PPP3CB: variants seen among roughly 807,000 people sequenced by gnomAD.
PPP3CB encodes serine/threonine-protein phosphatase 2B catalytic subunit beta isoform.
Under a neutral mutation model 66.4 loss-of-function variants are expected in PPP3CB, and 8 were observed. The observed-to-expected ratio is 0.12, with a 90% confidence interval of 0.07 to 0.22. The LOEUF is 0.22. PPP3CB is among the 10% of genes least tolerant of loss of function. The pLI is 1.00. For missense variants in PPP3CB, 319 were observed against 642.5 expected, an observed-to-expected ratio of 0.50 and a Z score of 5.44; for synonymous variants, 208 against 221.2, an observed-to-expected ratio of 0.94 and a Z score of 0.53.
chr10:73,471,717 T>C, intron 4 of PPP3CB, 104 bp from the exon 5 acceptor site: 1 of 846,236 alleles, frequency 1.2e-6, no homozygotes, highest in Non-Finnish European at 1.8e-6. Flanking sequence ...TCCCCTCCTT[T>C]ATATCTTATA....
At chr10:73,471,443 T>G in intron 5 of PPP3CB, 25 bp downstream of exon 5, 1 of 1,576,548 alleles carries the variant, frequency 6.3e-7, no homozygotes, top group Non-Finnish European at 8.6e-7. Flanking sequence ...TAGAAATCAA[T>G]CTCGGAAGTA....
At chr10:73,448,772 T>G (rs1329723008) in intron 10 of PPP3CB, 2 of 531,012 alleles carry the variant, frequency 3.8e-6, no homozygotes, top group Non-Finnish European at 7.7e-6. Context: ...GAGATTTAAC[T>G]TGGCAGTGGT....
chr10:73,467,828 A>C, intron 8 of PPP3CB, 150 bp from the exon 9 acceptor site: 1 of 623,880 alleles, frequency 1.6e-6, no homozygotes. Context: ...GGAGGAAGGA[A>C]CTAATTTTTA....
At chr10:73,463,338 G>A (rs970352499) in intron 9 of PPP3CB, among the ~76,000 whole-genome samples, 5 of 152,070 alleles carry the variant, frequency 3.3e-5, no homozygotes, top group Admixed American at 1.3e-4. Context: ...TCTAAATGAC[G>A]ACCACAGTCA....
chr10:73,439,572 C>T (rs1473771178), intron 13 of PPP3CB, among the ~76,000 whole-genome samples: 2 of 151,980 alleles, frequency 1.3e-5, no homozygotes, highest in African/African-American at 4.8e-5. Context: ...AAACAGGCAA[C>T]TTTATAAAGC....
Position 73,481,470 on chromosome 10 carries a change from AAT to A in PPP3CB, c.86-1955_86-1954del, listed in dbSNP as rs143321409. 6.2e-3 allele frequency among the ~76,000 whole-genome samples: 915 copies of A among 146,822 alleles called. 7 individuals are homozygous for A. The highest frequency in any genetic ancestry group is 0.02 in the African/African-American group (821 of 40,266). On this transcript the variant is annotated intron_variant, in intron 1 of 13. Coordinates refer to ENST00000360663, the MANE Select transcript of PPP3CB (RefSeq NM_021132.4). ...CCTGGTCGACAGTGAGACTCCATCA[AAT>A]ATATATATATATATACATATATATA...
At chr10:73,467,463 G>C (rs2056635935) in intron 9 of PPP3CB, 90 bp downstream of exon 9, 3 of 1,088,478 alleles carry the variant, frequency 2.8e-6, no homozygotes, top group African/African-American at 1.7e-5. Context: ...CTAGACTTTG[G>C]TTTCCTTTAG....
chr10:73,486,741 C>A (rs2056985143), intron 1 of PPP3CB, among the ~76,000 whole-genome samples: 1 of 152,226 alleles, frequency 6.6e-6, no homozygotes, highest in Admixed American at 6.5e-5. Context: ...TTCCACTAAT[C>A]TCAGTGGAGG....
At chr10:73,494,003 T>C (rs1428614067) in intron 1 of PPP3CB, among the ~76,000 whole-genome samples, 1 of 152,172 alleles carries the variant, frequency 6.6e-6, no homozygotes, top group Non-Finnish European at 1.5e-5. Context: ...TGTTCAGGAA[T>C]GTGATTGGTT....
At chr10:73,443,708 G>A (rs2056200817) in intron 12 of PPP3CB, 1 of 152,112 alleles carries the variant, frequency 6.6e-6, no homozygotes, top group African/African-American at 2.4e-5. Flanking sequence ...CTTTTAAAAA[G>A]TTAACCCAGT....
At chr10:73,446,631 A>C in intron 10 of PPP3CB, 58 bp from the exon 11 acceptor site, 1 of 1,480,574 alleles carries the variant, frequency 6.8e-7, no homozygotes, top group Non-Finnish European at 9.4e-7. Context: ...GCATGCTTAC[A>C]ATATTCTATT....
At chr10:73,442,873 T>C (rs1183190639) in intron 12 of PPP3CB, among the ~76,000 whole-genome samples, 2 of 151,926 alleles carry the variant, frequency 1.3e-5, no homozygotes, top group Non-Finnish European at 2.9e-5. Context: ...AAAAATTGTT[T>C]ACAGGAAAAA....
At chr10:73,453,883 G>A (rs187847501) in intron 10 of PPP3CB, among the ~76,000 whole-genome samples, 370 of 152,136 alleles carry the variant, frequency 2.4e-3, no homozygotes, top group African/African-American at 8.4e-3. Flanking sequence ...GTTGGCTTAC[G>A]TAACAACAAC....
Position 73,481,293 on chromosome 10 carries a change from G to A in PPP3CB, c.86-1776C>T, listed in dbSNP as rs374262789. Among the ~76,000 whole-genome samples, 227 of 151,160 alleles carry A rather than the reference G, an allele frequency of 1.5e-3. 2 individuals are homozygous for A. The highest frequency in any genetic ancestry group is 3.3e-3 in the African/African-American group (136 of 41,156). On this transcript the variant is annotated intron_variant, in intron 1 of 13. Transcript: ENST00000360663. Reference sequence around the variant, plus strand: ...TCAAGACCAGCCTGGCCAACATGGTGAAACCCCATCTCTACTAAAAACACA... The same window carrying A: ...TCAAGACCAGCCTGGCCAACATGGTAAAACCCCATCTCTACTAAAAACACA...
chr10:73,451,576 A>G (rs1402014061), intron 10 of PPP3CB, among the ~76,000 whole-genome samples: 3 of 149,686 alleles, frequency 2.0e-5, no homozygotes, highest in African/African-American at 7.7e-5. Context: ...AAAAAGAAAG[A>G]AAGAGAAAGG....
intron 1 of PPP3CB, among the ~76,000 whole-genome samples, chr10:73,491,019 A>ATTTTTTTTTTTTTTTTTTTT (rs2057064854): frequency 4.5e-5 from 1 of 22,382 alleles, no homozygotes. Flanking sequence ...GTTTGTTTTT[A>ATTTTTTTTTTTTTTTTTTTT]TTGTTTTTTT....
intron 12 of PPP3CB, among the ~76,000 whole-genome samples, chr10:73,442,518 G>C (rs2056165249): frequency 6.6e-6 from 1 of 152,020 alleles, no homozygotes; most frequent in African/African-American, 2.4e-5. Context: ...TTTCTTTTCT[G>C]AACAAAGAAG....
intron 10 of PPP3CB, among the ~76,000 whole-genome samples, chr10:73,447,206 T>TA (rs1370267250): frequency 6.6e-6 from 1 of 152,166 alleles, no homozygotes; most frequent in Non-Finnish European, 1.5e-5. Flanking sequence ...GTCATGCAAA[T>TA]ATATACAATC....
chr10:73,476,271 G>A (rs1378497162), intron 3 of PPP3CB, among the ~76,000 whole-genome samples: 1 of 152,160 alleles, frequency 6.6e-6, no homozygotes, highest in African/African-American at 2.4e-5. Context: ...TGTTCTCGAT[G>A]CTTATTTTGA....
Sources: allele counts gnomAD v4.1 joint callset (sites outside exome capture counted in the v4.1 genomes callset), GRCh38; gene constraint gnomAD v4.1.1; transcripts MANE v1.5; gene names NCBI Gene and HGNC (gene_info 2026-07-23, HGNC 2026-07-21).